PRDM11: variants seen among roughly 807,000 people sequenced by gnomAD.
PRDM11 encodes PR/SET domain 11.
In PRDM11, 20 loss-of-function variants were observed where a neutral mutation model predicts 97.8. The observed-to-expected ratio is 0.20, with a 90% CI of 0.14 to 0.30. The LOEUF is 0.30. Among genes scored for constraint, PRDM11 ranks in the 10% least tolerant of loss-of-function variants. The probability of loss-of-function intolerance (pLI) is 1.00; values close to 1 mark genes in which losing one functional copy is unlikely to be tolerated. For missense variants in PRDM11, 1,139 were observed against 1,555.2 expected, an observed-to-expected ratio of 0.73 and a Z score of 4.50; for synonymous variants, 599 against 637.7, an observed-to-expected ratio of 0.94 and a Z score of 0.91.
chr11:45,164,575 C>T (rs573899238), intron 1 of PRDM11, among the ~76,000 whole-genome samples: 148 of 152,356 alleles, frequency 9.7e-4, no homozygotes, highest in Non-Finnish European at 1.7e-3. Context: ...GAGGGCCGTC[C>T]TCAGGACAGC....
Position 45,224,579 on chromosome 11 carries a change from C to T in PRDM11, c.1105C>T (p.Gln369Ter). The T allele has an allele frequency of 6.2e-7, 1 of 1,614,038 alleles. No homozygotes were observed. Among genetic ancestry groups the T allele is most frequent in the Non-Finnish European group, 8.5e-7 (1 of 1,180,008 alleles). Residue 369 changes from glutamine (Q) to a stop codon, truncating the protein, a stop_gained, in exon 7 of 8, where the codon CAG becomes TAG. Coordinates refer to ENST00000683152, the MANE Select transcript of PRDM11 (RefSeq NM_001384648.1). LOFTEE classifies it high-confidence loss of function. ...TQGEGDWKVP[Q>*]GVSKEPGQLE... Reference sequence around the variant, plus strand: ...GGGGGAGGGGGACTGGAAGGTCCCCCAGGGGGTCTCCAAGGAGCCAGGCCA... The same window carrying T: ...GGGGGAGGGGGACTGGAAGGTCCCCTAGGGGGTCTCCAAGGAGCCAGGCCA...
intron 1 of PRDM11, among the ~76,000 whole-genome samples, chr11:45,109,755 C>G (rs1196834202): frequency 6.6e-6 from 1 of 152,160 alleles, no homozygotes; most frequent in African/African-American, 2.4e-5. Flanking sequence ...TAAGTGTAAG[C>G]TGATAACCTT....
Position 45,228,453 on chromosome 11 carries a change from T to C in PRDM11, c.*294T>C, listed in dbSNP as rs1366776314. The C allele has an allele frequency of 6.6e-6, 1 of 152,428 alleles. No homozygotes were observed. The highest frequency in any genetic ancestry group is 6.6e-5 in the Admixed American group (1 of 15,258). The allele number at this position is 152,428 out of a possible 1,614,324, so 9.4% of individuals were successfully genotyped here. A position where few individuals can be genotyped will look rare whatever the true frequency, so the allele number is the denominator to read the frequency against. The stretch of plus-strand genomic sequence containing the variant: ...CACAGAAGCACGTGCTGGGGCCTCC[T>C]GTGTTCCCACCTTACTGTCCACCAA... On this transcript the variant is annotated 3_prime_UTR_variant, in exon 8 of 8. Transcript: ENST00000683152.
chr11:45,147,285 C>G (rs938960708), intron 1 of PRDM11: 8 of 151,704 alleles, frequency 5.3e-5, no homozygotes, highest in South Asian at 2.1e-4. Flanking sequence ...AACGCGGTGA[C>G]ACGGACGGGG....
intron 1 of PRDM11, among the ~76,000 whole-genome samples, chr11:45,148,720 G>A (rs1001945504): frequency 3.9e-5 from 6 of 152,142 alleles, no homozygotes; most frequent in African/African-American, 1.4e-4. Context: ...TCTTCTCCTT[G>A]GTGTCAAGTA....
chr11:45,138,482 C>A (rs758354166), intron 1 of PRDM11, among the ~76,000 whole-genome samples: 1 of 152,110 alleles, frequency 6.6e-6, no homozygotes, highest in Non-Finnish European at 1.5e-5. Flanking sequence ...GTGGAAGGAT[C>A]GCTTGAGCCT....
At chr11:45,113,636 T>C (rs1852232402) in intron 1 of PRDM11, among the ~76,000 whole-genome samples, 1 of 152,144 alleles carries the variant, frequency 6.6e-6, no homozygotes. Flanking sequence ...AGCAGTGTTT[T>C]ATAATTTTCC....
chr11:45,225,572 C>A (rs1164795012), intron 7 of PRDM11, among the ~76,000 whole-genome samples: 1 of 152,180 alleles, frequency 6.6e-6, no homozygotes, highest in African/African-American at 2.4e-5. Flanking sequence ...GGGGCCATAT[C>A]CAAGATGCCT....
chr11:45,180,838 G>T (rs1300550894), intron 1 of PRDM11, among the ~76,000 whole-genome samples: 9 of 151,588 alleles, frequency 5.9e-5, no homozygotes, highest in Non-Finnish European at 1.3e-4. Flanking sequence ...CCCGGCCTGG[G>T]CAGCCCTCCC....
At chr11:45,129,342 C>T (rs571460767) in intron 1 of PRDM11, among the ~76,000 whole-genome samples, 6 of 151,992 alleles carry the variant, frequency 3.9e-5, no homozygotes, top group East Asian at 1.9e-4. Context: ...AGACTTAAAA[C>T]GAAAGAATAA....
chr11:45,134,398 A>T (rs1245894019), intron 1 of PRDM11, among the ~76,000 whole-genome samples: 1 of 152,174 alleles, frequency 6.6e-6, no homozygotes, highest in Non-Finnish European at 1.5e-5. Flanking sequence ...AAGCCCACTC[A>T]CACAAAAACT....
At chr11:45,128,115 C>T (rs1393991547) in intron 1 of PRDM11, among the ~76,000 whole-genome samples, 4 of 152,206 alleles carry the variant, frequency 2.6e-5, no homozygotes, top group Non-Finnish European at 5.9e-5. Flanking sequence ...TGCTAGCAAT[C>T]AGTGAGACTC....
At chr11:45,199,068 T>C (rs1856476550) in intron 4 of PRDM11, among the ~76,000 whole-genome samples, 1 of 152,210 alleles carries the variant, frequency 6.6e-6, no homozygotes, top group South Asian at 2.1e-4. Flanking sequence ...TTTATTTTTA[T>C]TGTCTTTATT....
At chr11:45,164,413 C>T (rs963165598) in intron 1 of PRDM11, among the ~76,000 whole-genome samples, 3 of 152,256 alleles carry the variant, frequency 2.0e-5, no homozygotes, top group African/African-American at 7.2e-5. Context: ...ATAAATTACT[C>T]GGCAGCCTTT....
intron 1 of PRDM11, among the ~76,000 whole-genome samples, chr11:45,174,022 T>C (rs915882469): frequency 3.3e-5 from 5 of 152,196 alleles, no homozygotes; most frequent in African/African-American, 1.2e-4. Context: ...ATCTTAGAAC[T>C]CCTTTTCCTG....
At chr11:45,194,966 T>A (rs1853064865) in intron 4 of PRDM11, among the ~76,000 whole-genome samples, 1 of 152,058 alleles carries the variant, frequency 6.6e-6, no homozygotes, top group African/African-American at 2.4e-5. Flanking sequence ...TCTAAGGTTA[T>A]ACAGGTCATT....
chr11:45,133,612 G>C (rs758192781), intron 1 of PRDM11, among the ~76,000 whole-genome samples: 1 of 152,082 alleles, frequency 6.6e-6, no homozygotes, highest in Non-Finnish European at 1.5e-5. Flanking sequence ...GCTGAGTTTC[G>C]GGCACTGGCC....
chr11:45,110,681 G>A (rs1036022801), intron 1 of PRDM11, among the ~76,000 whole-genome samples: 4 of 152,228 alleles, frequency 2.6e-5, no homozygotes, highest in Non-Finnish European at 5.9e-5. Context: ...CGAATTGCAA[G>A]GCCTCGCTTG....
At chr11:45,180,376 T>C (rs1852441005) in intron 1 of PRDM11, among the ~76,000 whole-genome samples, 1 of 152,022 alleles carries the variant, frequency 6.6e-6, no homozygotes, top group South Asian at 2.1e-4. Context: ...GGCCCTGTCG[T>C]CGCCGCCACA....
Sources: gnomAD v4.1 joint callset for allele counts (sites outside exome capture counted in the v4.1 genomes callset) on GRCh38, gnomAD v4.1.1 for gene constraint, MANE v1.5 for transcripts, NCBI Gene and HGNC (gene_info 2026-07-23, HGNC 2026-07-21) for gene names.